Variants in ATP2B2 observed in about 807,000 individuals in gnomAD.
The protein encoded by ATP2B2 is plasma membrane calcium-transporting ATPase 2.
In ATP2B2, 15 loss-of-function variants were observed where a neutral mutation model predicts 120.0. The observed-to-expected ratio is 0.12, with a 90% CI of 0.08 to 0.19. The LOEUF is 0.19. ATP2B2 is among the 10% of genes least tolerant of loss of function. ATP2B2 has a pLI of 1.00. For missense variants in ATP2B2, 1,045 were observed against 1,719.8 expected (o/e 0.61, Z 6.94); for synonymous variants, 694 against 700.3 (o/e 0.99, Z 0.14).
rs2125318636 is a variant in ATP2B2, at chr3:10,328,734, G to C, written c.*80C>G. The C allele has an allele frequency of 7.0e-7, 1 of 1,432,444 alleles. No homozygotes were observed. Among genetic ancestry groups the C allele is most frequent in the Non-Finnish European group, 9.5e-7 (1 of 1,055,508 alleles). 88.7% of individuals were successfully genotyped at this position (1,432,444 alleles called of 1,614,324 possible). A position where few individuals can be genotyped will look rare whatever the true frequency, so the allele number is the denominator to read the frequency against. Reference sequence around the variant, plus strand: ...GCTCGTTGCTGCTTGGGTGAGTTGGGTGCCTGGATGGATGGGTGCCCGGAA... The same window carrying C: ...GCTCGTTGCTGCTTGGGTGAGTTGGCTGCCTGGATGGATGGGTGCCCGGAA... On this transcript the variant is annotated 3_prime_UTR_variant, in exon 23 of 23. Coordinates refer to ENST00000360273, the MANE Select transcript of ATP2B2 (RefSeq NM_001001331.4).
At chr3:10,339,126 G>A (rs1181091400) in intron 21 of ATP2B2, among the ~76,000 whole-genome samples, 4 of 152,152 alleles carry the variant, frequency 2.6e-5, no homozygotes, top group Admixed American at 6.5e-5. Context: ...AGCACTGCCC[G>A]CTGGCATTAA....
chr3:10,576,075 G>A (rs1235593166), intron 2 of ATP2B2, among the ~76,000 whole-genome samples: 2 of 152,212 alleles, frequency 1.3e-5, no homozygotes, highest in African/African-American at 4.8e-5. Context: ...TGGCGAAGCT[G>A]GGGCTTTGCC....
intron 1 of ATP2B2, among the ~76,000 whole-genome samples, chr3:10,649,641 A>T (rs1369069694): frequency 3.3e-5 from 5 of 152,198 alleles, no homozygotes; most frequent in African/African-American, 1.2e-4. Flanking sequence ...GTGGATGGAT[A>T]GGATAAATGG....
intron 2 of ATP2B2, among the ~76,000 whole-genome samples, chr3:10,579,513 A>G (rs1180172520): frequency 2.0e-5 from 3 of 152,212 alleles, no homozygotes; most frequent in African/African-American, 7.2e-5. Flanking sequence ...ATCTCTACTA[A>G]AAATACAATA....
At chr3:10,606,880 AACACAC>A (rs147614282) in intron 2 of ATP2B2, among the ~76,000 whole-genome samples, 22 of 100,096 alleles carry the variant, frequency 2.2e-4, no homozygotes, top group African/African-American at 8.1e-4. Context: ...ACGGAGTCTA[AACACAC>A]ACACACACAC....
chr3:10,335,998 G>T, intron 22 of ATP2B2: 1 of 1,142,570 alleles, frequency 8.8e-7, no homozygotes, highest in East Asian at 2.6e-5. Flanking sequence ...CTCTTCGGTG[G>T]CTGGGACCCT....
chr3:10,361,134 A>G (rs2060886507), intron 12 of ATP2B2, among the ~76,000 whole-genome samples: 2 of 152,206 alleles, frequency 1.3e-5, no homozygotes, highest in South Asian at 2.1e-4. Flanking sequence ...TGGGACAGAC[A>G]GACTGTCCCT....
chr3:10,621,761 C>T (rs144528051), intron 1 of ATP2B2, among the ~76,000 whole-genome samples: 1,926 of 152,344 alleles, frequency 0.013, 24 homozygotes, highest in South Asian at 0.03. Context: ...CTCCATGAGG[C>T]GGGCACTGCT....
chr3:10,488,085 C>G (rs527408230), intron 1 of ATP2B2, among the ~76,000 whole-genome samples: 1 of 152,086 alleles, frequency 6.6e-6, no homozygotes, highest in African/African-American at 2.4e-5. Flanking sequence ...ACCTATCCAT[C>G]TATCCATCCA....
At chr3:10,654,946 C>T (rs1222363688) in intron 1 of ATP2B2, among the ~76,000 whole-genome samples, 1 of 152,188 alleles carries the variant, frequency 6.6e-6, no homozygotes, top group Non-Finnish European at 1.5e-5. Flanking sequence ...CTCATCTCCA[C>T]ATCACTATTG....
chr3:10,630,358 T>C (rs2069828596), intron 1 of ATP2B2, among the ~76,000 whole-genome samples: 1 of 152,102 alleles, frequency 6.6e-6, no homozygotes, highest in Non-Finnish European at 1.5e-5. Flanking sequence ...GTTGTTCCCC[T>C]CTACAGGTCC....
intron 8 of ATP2B2, among the ~76,000 whole-genome samples, chr3:10,384,557 G>C (rs17032777): frequency 7.9e-5 from 12 of 152,136 alleles, no homozygotes; most frequent in African/African-American, 2.9e-4. Context: ...TCTTGCTTGC[G>C]TGTAAGGAGA....
chr3:10,657,713 C>T (rs571256805), intron 1 of ATP2B2, among the ~76,000 whole-genome samples: 1 of 152,358 alleles, frequency 6.6e-6, no homozygotes, highest in East Asian at 1.9e-4. Context: ...CCTCTGCAGA[C>T]TTAAATGTCC....
chr3:10,483,343 C>T (rs2065491549), intron 1 of ATP2B2, among the ~76,000 whole-genome samples: 1 of 152,232 alleles, frequency 6.6e-6, no homozygotes, highest in Non-Finnish European at 1.5e-5. Flanking sequence ...TTCGCCTTCC[C>T]TCCAATCCTT....
At chr3:10,662,279 GA>G (rs1553645891) in intron 1 of ATP2B2, among the ~76,000 whole-genome samples, 1 of 151,870 alleles carries the variant, frequency 6.6e-6, no homozygotes, top group Non-Finnish European at 1.5e-5. Context: ...CACAGCAAAA[GA>G]AACTACCATC....
intron 8 of ATP2B2, among the ~76,000 whole-genome samples, chr3:10,381,851 T>A (rs1001725488): frequency 3.3e-5 from 5 of 152,146 alleles, no homozygotes; most frequent in Admixed American, 1.3e-4. Context: ...GTGAAGTGCA[T>A]GGATTGGGAG....
intron 1 of ATP2B2, among the ~76,000 whole-genome samples, chr3:10,672,317 T>A (rs956671426): frequency 1.3e-5 from 2 of 152,226 alleles, no homozygotes; most frequent in Non-Finnish European, 2.9e-5. Context: ...ATTTTGTCCT[T>A]AACAGCTGGG....
At chr3:10,440,710 C>T (rs935088791) in intron 2 of ATP2B2, among the ~76,000 whole-genome samples, 4 of 152,232 alleles carry the variant, frequency 2.6e-5, no homozygotes, top group African/African-American at 7.2e-5. Context: ...CCTCCTTCAT[C>T]AACCTTTAGA....
rs1239958068 is a variant in ATP2B2 at position 10,488,278 on chromosome 3, CATGCATCCAT to C, written c.-320+17177_-320+17186del. Among the ~76,000 whole-genome samples the C allele has an allele frequency of 7.5e-4, 99 of 131,526 alleles. 2 individuals carry two copies. In the Middle Eastern group the frequency reaches 0.023, roughly 30 times the overall value. 86.3% of individuals were successfully genotyped at this position (131,526 alleles called of 152,430 possible). On this transcript the variant is annotated intron_variant, in intron 1 of 22. Transcript: ENST00000360273. ...CCATCCATCCATCCATCCATCCATG[CATGCATCCAT>C]CCACCCACCCACCTATCTATTCATT...
Sources: gnomAD v4.1 joint callset for allele counts (sites outside exome capture counted in the v4.1 genomes callset) on GRCh38, gnomAD v4.1.1 for gene constraint, MANE v1.5 for transcripts, NCBI Gene and HGNC (gene_info 2026-07-23, HGNC 2026-07-21) for gene names.